The following ADSS2 variants were observed in gnomAD, a reference collection of about 807,000 sequenced individuals.
The protein encoded by ADSS2 is adenylosuccinate synthetase isozyme 2.
A neutral mutation model predicts 60.0 loss-of-function variants in ADSS2; 30 were observed. The observed-to-expected ratio is 0.50, with a 90% CI of 0.37 to 0.68. The LOEUF is 0.68. Ranked by LOEUF, ADSS2 falls within the 30% of genes least tolerant of loss-of-function variation. The pLI, the probability that ADSS2 is intolerant of heterozygous loss-of-function variation, is 0.00. For missense variants in ADSS2, 373 were observed against 554.8 expected (o/e 0.67, Z 3.29); for synonymous variants, 187 against 193.1 (o/e 0.97, Z 0.26).
At chr1:244,420,018 AAG>A in intron 8 of ADSS2, 150 bp downstream of exon 8, 1 of 711,180 alleles carries the variant, frequency 1.4e-6, no homozygotes, top group Non-Finnish European at 2.2e-6. Flanking sequence ...TTCCTTTAAA[AAG>A]AGTGCCACAA....
In ADSS2 at chr1:244,451,867, T is replaced by A. The variant is rs1397444727; in HGVS notation, c.-50A>T. On this transcript the variant is annotated 5_prime_UTR_variant, in exon 1 of 13. Coordinates refer to ENST00000366535, the MANE Select transcript of ADSS2 (RefSeq NM_001126.5). The surrounding 1 kb of genome is among the most constrained non-coding windows in gnomAD (Gnocchi z 6.6). ...CGAAGGAGAGGCGGCCGGCGAGGAG[T>A]GAGCGAACTGAACTGCTCTGCGGCC... is the stretch of plus-strand genomic sequence containing the variant. 1 of 1,489,442 alleles carries A rather than the reference T, an allele frequency of 6.7e-7. No homozygotes were observed. The highest frequency in any genetic ancestry group is 1.3e-5 in the South Asian group (1 of 77,544). 92.3% of individuals were successfully genotyped at this position (1,489,442 alleles called of 1,614,324 possible).
chr1:244,444,343 G>A (rs552441290), intron 1 of ADSS2, among the ~76,000 whole-genome samples: 18 of 146,796 alleles, frequency 1.2e-4, no homozygotes, highest in Admixed American at 4.0e-4. Context: ...GTGAAACCCC[G>A]TCTCTACTAA....
chr1:244,430,128 T>C (rs966336003), intron 4 of ADSS2, among the ~76,000 whole-genome samples: 5 of 152,090 alleles, frequency 3.3e-5, no homozygotes, highest in Non-Finnish European at 7.4e-5. Context: ...TAAAGAAATA[T>C]AACTATAAAT....
rs567036996 is a variant in ADSS2 at position 244,427,874 on chromosome 1, T to C, written c.407-3487A>G. On this transcript the variant is annotated intron_variant, in intron 4 of 12. Coordinates refer to ENST00000366535, the MANE Select transcript of ADSS2 (RefSeq NM_001126.5). ...ACCTGTTGATCATAAAAAGCTATGG[T>C]TGTTAATACCAAAGAGGATATTTCA... Among the ~76,000 whole-genome samples the C allele has an allele frequency of 2.0e-5, 3 of 152,260 alleles. No individual in the cohort carries two copies. In the South Asian group the frequency reaches 6.2e-4, roughly 32 times the overall value.
At chr1:244,448,556 G>A (rs1383657866) in intron 1 of ADSS2, among the ~76,000 whole-genome samples, 1 of 152,146 alleles carries the variant, frequency 6.6e-6, no homozygotes, top group Non-Finnish European at 1.5e-5. Flanking sequence ...TTATAACCAA[G>A]ACCACCGAAG....
intron 1 of ADSS2, among the ~76,000 whole-genome samples, chr1:244,438,827 G>A (rs994612405): frequency 5.3e-5 from 8 of 152,022 alleles, no homozygotes; most frequent in Non-Finnish European, 1.2e-4. Flanking sequence ...TTTGATACAA[G>A]CATATGAGTA....
In ADSS2 at chr1:244,436,836, T is replaced by C. The variant is rs1665113337; in HGVS notation, c.344A>G (p.Gln115Arg). The C allele has an allele frequency of 6.2e-7, 1 of 1,611,970 alleles. No individual in the cohort carries two copies. The highest frequency in any genetic ancestry group is 2.2e-5 in the East Asian group (1 of 44,698). ...TCATTCTTTCATACCTTTTCCTTTTTGAACATTTTTCTCTGCTTCTTCAAA... is the reference window on the plus strand; with the variant it reads ...TCATTCTTTCATACCTTTTCCTTTTCGAACATTTTTCTCTGCTTCTTCAAA... ...GLFEEAEKNV[Q>R]KGKGLEGWEK... is the part of the protein sequence containing the mutation. The change falls in exon 3 of 13, where the codon CAA (glutamine) becomes CGA (arginine). Residue 115 changes from glutamine (Q) to arginine (R), a missense_variant. By Grantham distance (43) the Gln-to-Arg change is conservative (BLOSUM62 1). Transcript: ENST00000366535.
At chr1:244,424,165 T>C in intron 5 of ADSS2, 105 bp from the exon 6 acceptor site, 1 of 1,186,182 alleles carries the variant, frequency 8.4e-7, no homozygotes, top group Non-Finnish European at 1.2e-6. Flanking sequence ...TTTCTGTTTA[T>C]GTTATTTCTT....
intron 11 of ADSS2, among the ~76,000 whole-genome samples, chr1:244,412,905 G>A (rs1318627164): frequency 1.3e-5 from 2 of 152,154 alleles, no homozygotes; most frequent in East Asian, 1.9e-4. Context: ...AGATGATGCA[G>A]AGGCCTCTGT....
At chr1:244,439,213 G>C (rs772458384) in intron 1 of ADSS2, among the ~76,000 whole-genome samples, 1 of 152,140 alleles carries the variant, frequency 6.6e-6, no homozygotes, top group Non-Finnish European at 1.5e-5. Context: ...CCACGTTGTT[G>C]CAAATGACAG....
chr1:244,426,111 G>T (rs1039523511), intron 4 of ADSS2, among the ~76,000 whole-genome samples: 2 of 152,144 alleles, frequency 1.3e-5, no homozygotes, highest in African/African-American at 4.8e-5. Flanking sequence ...CCAAGCAATA[G>T]TCTTTCTCAG....
At chr1:244,448,812 G>A (rs774986527) in intron 1 of ADSS2, among the ~76,000 whole-genome samples, 44 of 152,000 alleles carry the variant, frequency 2.9e-4, no homozygotes, top group Non-Finnish European at 3.8e-4. Flanking sequence ...TCTCCATCCC[G>A]ACCTTCTCAA....
chr1:244,416,442 T>C (rs1664535421), intron 10 of ADSS2, among the ~76,000 whole-genome samples: 1 of 152,130 alleles, frequency 6.6e-6, no homozygotes, highest in African/African-American at 2.4e-5. Flanking sequence ...CTCAGCCTCC[T>C]GAGTACCTGG....
chr1:244,440,788 G>C (rs1011641611), intron 1 of ADSS2, among the ~76,000 whole-genome samples: 12 of 152,078 alleles, frequency 7.9e-5, no homozygotes, highest in Non-Finnish European at 1.6e-4. Context: ...GGCAGCTTGC[G>C]TACTTCCATA....
chr1:244,442,567 G>A (rs1221738912), intron 1 of ADSS2, among the ~76,000 whole-genome samples: 2 of 152,120 alleles, frequency 1.3e-5, no homozygotes, highest in African/African-American at 4.8e-5. Flanking sequence ...GTGGGATTTA[G>A]GGGGAAATAT....
intron 4 of ADSS2, among the ~76,000 whole-genome samples, chr1:244,430,055 C>G (rs1279939163): frequency 6.6e-6 from 1 of 152,064 alleles, no homozygotes; most frequent in Non-Finnish European, 1.5e-5. Flanking sequence ...TTATCTTCTA[C>G]AGGCTCAGTC....
chr1:244,451,542 G>T lies in ADSS2; in HGVS notation c.183+93C>A. ...AGGTGACACCTCATTTTGGCCAGTG[G>T]ATCCGGGTTCTGGGTCCGAGTTCCC... On this transcript the variant is annotated intron_variant, in intron 1 of 12. Coordinates refer to ENST00000366535, the MANE Select transcript of ADSS2 (RefSeq NM_001126.5). This position sits in a 1 kb window ranked among gnomAD's most constrained non-coding sequence, Gnocchi z 6.6. The T allele has an allele frequency of 1.5e-6, 2 of 1,377,356 alleles. No homozygotes were observed. The highest frequency in any genetic ancestry group is 1.9e-6 in the Non-Finnish European group (2 of 1,027,682). 85.3% of individuals were successfully genotyped at this position (1,377,356 alleles called of 1,614,324 possible). A position where few individuals can be genotyped will look rare whatever the true frequency, so the allele number is the denominator to read the frequency against.
chr1:244,431,622 A>ATAAAACTGTT (rs1391776457), intron 4 of ADSS2, among the ~76,000 whole-genome samples: 2 of 152,242 alleles, frequency 1.3e-5, no homozygotes, highest in Non-Finnish European at 2.9e-5. Flanking sequence ...AAATATTAAC[A>ATAAAACTGTT]TAAAACTGTT....
chr1:244,421,839 G>A (rs1664681953), intron 7 of ADSS2, among the ~76,000 whole-genome samples: 1 of 152,048 alleles, frequency 6.6e-6, no homozygotes, highest in South Asian at 2.1e-4. Context: ...AGCAGGGTGT[G>A]GTGGTGTGCC....
Sources: allele counts gnomAD v4.1 joint callset (sites outside exome capture counted in the v4.1 genomes callset), GRCh38; gene constraint gnomAD v4.1.1; non-coding constraint Gnocchi (gnomAD v3.1); transcripts MANE v1.5; gene names NCBI Gene and HGNC (gene_info 2026-07-23, HGNC 2026-07-21).